The following NGLY1 variants were observed in gnomAD, a reference collection of about 807,000 sequenced individuals.
NGLY1 encodes peptide-N(4)-(N-acetyl-beta-glucosaminyl)asparagine amidase.
Under a neutral mutation model 84.6 loss-of-function variants are expected in NGLY1, and 68 were observed. That is an observed-to-expected ratio of 0.80 (90% confidence interval 0.66 to 0.98). NGLY1 has a LOEUF of 0.98. Among genes scored for constraint, NGLY1 ranks in the 50% least tolerant of loss-of-function variants. The pLI, the probability that NGLY1 is intolerant of heterozygous loss-of-function variation, is 0.00. For missense variants in NGLY1, 779 were observed against 770.2 expected (o/e 1.01, Z -0.14); for synonymous variants, 280 against 275.2 (o/e 1.02, Z -0.17).
At chr3:25,752,858 T>C (rs915995557) in intron 3 of NGLY1, among the ~76,000 whole-genome samples, 3 of 151,578 alleles carry the variant, frequency 2.0e-5, no homozygotes, top group Admixed American at 6.6e-5. Context: ...GAAGAAAGCA[T>C]AGATGGTGTC....
At chr3:25,762,631 G>C (rs868782078) in intron 3 of NGLY1, among the ~76,000 whole-genome samples, 55 of 152,068 alleles carry the variant, frequency 3.6e-4, no homozygotes, top group African/African-American at 1.3e-3. Flanking sequence ...TAAAGACCTG[G>C]AACTATATCT....
chr3:25,732,398 G>A lies in NGLY1; in HGVS notation c.1346C>T (p.Thr449Ile). Residue 449 changes from threonine to isoleucine, a missense_variant, in exon 9 of 12, where the codon ACC becomes ATC. Physicochemically the swap from Thr to Ile is moderately conservative, Grantham distance 89. Coordinates refer to ENST00000280700, the MANE Select transcript of NGLY1 (RefSeq NM_018297.4). ...TCCCCCAAGTTCTCCAGGTTTAGGGGTTTTGGGAGATATAAATTCAACAAG... is the reference window on the plus strand; with the variant it reads ...TCCCCCAAGTTCTCCAGGTTTAGGGATTTTGGGAGATATAAATTCAACAAG... Reference protein sequence around the residue: ...VELVEFISPKTPKPGELGGRI... With the variant: ...VELVEFISPKIPKPGELGGRI... 1 of 1,613,792 alleles carries A rather than the reference G, an allele frequency of 6.2e-7. No individual in the cohort carries two copies. Among genetic ancestry groups the A allele is most frequent in the Non-Finnish European group, 8.5e-7 (1 of 1,179,762 alleles).
chr3:25,736,539 A>G (rs1379998410), intron 6 of NGLY1: 2 of 604,190 alleles, frequency 3.3e-6, no homozygotes, highest in East Asian at 2.9e-5. Flanking sequence ...GAAGTCTAAT[A>G]GAATCTCTGG....
chr3:25,776,872 A>C (rs1012196144), intron 2 of NGLY1, among the ~76,000 whole-genome samples: 2 of 152,222 alleles, frequency 1.3e-5, no homozygotes, highest in Non-Finnish European at 2.9e-5. Flanking sequence ...TGAGTACCTA[A>C]CATCTGTAAT....
chr3:25,782,763 A>C (rs926191375), intron 1 of NGLY1: 3 of 154,580 alleles, frequency 1.9e-5, no homozygotes, highest in African/African-American at 7.2e-5. Context: ...ATGCTTTAGT[A>C]CTCGGATAGT....
intron 1 of NGLY1, chr3:25,789,731 G>T: frequency 8.6e-7 from 1 of 1,167,010 alleles, no homozygotes; most frequent in Non-Finnish European, 1.2e-6. Flanking sequence ...CTTTGAAACT[G>T]CAGAGAATTT....
chr3:25,780,677 C>A (rs1345753060), intron 1 of NGLY1, among the ~76,000 whole-genome samples: 1 of 152,128 alleles, frequency 6.6e-6, no homozygotes, highest in Non-Finnish European at 1.5e-5. Context: ...GGCTAGAGTG[C>A]AATGACGCCA....
At chr3:25,789,353 G>A (rs966472855) in intron 1 of NGLY1, among the ~76,000 whole-genome samples, 3 of 151,898 alleles carry the variant, frequency 2.0e-5, no homozygotes, top group African/African-American at 7.3e-5. Context: ...CTACTCCATA[G>A]GCAGAACAGC....
At chr3:25,778,496 T>C in intron 2 of NGLY1, 78 bp downstream of exon 2, 2 of 729,912 alleles carry the variant, frequency 2.7e-6, no homozygotes, top group Non-Finnish European at 4.4e-6. Flanking sequence ...CATTATCTTA[T>C]TCAAACAATT....
chr3:25,787,260 C>T (rs1708625139), upstream of NGLY1, among the ~76,000 whole-genome samples: 1 of 152,042 alleles, frequency 6.6e-6, no homozygotes, highest in Non-Finnish European at 1.5e-5. Flanking sequence ...AGAGGACTTG[C>T]TACCTGTGAG....
intron 4 of NGLY1, among the ~76,000 whole-genome samples, chr3:25,746,759 T>C (rs1027382012): frequency 1.3e-5 from 2 of 152,244 alleles, no homozygotes; most frequent in East Asian, 3.8e-4. Context: ...GGAAATATGA[T>C]GGACACAAAC....
At chr3:25,778,388 T>C in intron 2 of NGLY1, 186 bp downstream of exon 2, 1 of 430,690 alleles carries the variant, frequency 2.3e-6, no homozygotes, top group Non-Finnish European at 4.3e-6. Context: ...TTGTTACATT[T>C]TACTGAAATT....
At chr3:25,778,772 T>C in intron 1 of NGLY1, 84 bp from the exon 2 acceptor site, 1 of 704,340 alleles carries the variant, frequency 1.4e-6, no homozygotes, top group Non-Finnish European at 2.4e-6. Flanking sequence ...AAACATGACC[T>C]AGGTATACCT....
chr3:25,778,453 T>G, intron 2 of NGLY1, 121 bp downstream of exon 2: 1 of 515,778 alleles, frequency 1.9e-6, no homozygotes, highest in African/African-American at 2.0e-5. Flanking sequence ...AAATAACTAC[T>G]TCTACTGATT....
chr3:25,735,979 A>C (rs1705795623), intron 7 of NGLY1, 25 bp downstream of exon 7: 2 of 1,561,468 alleles, frequency 1.3e-6, no homozygotes, highest in Admixed American at 2.1e-5. Flanking sequence ...CTTTTGGAAA[A>C]AAGTTTTTTT....
chr3:25,785,521 C>A (rs1708583943), upstream of NGLY1, among the ~76,000 whole-genome samples: 1 of 140,784 alleles, frequency 7.1e-6, no homozygotes, highest in Admixed American at 7.2e-5. Context: ...TGCAACAGAA[C>A]TTTTTTTTTT....
chr3:25,765,628 G>A (rs1005849137), intron 2 of NGLY1, among the ~76,000 whole-genome samples: 3 of 152,110 alleles, frequency 2.0e-5, no homozygotes, highest in Non-Finnish European at 1.5e-5. Flanking sequence ...AATTCCATCT[G>A]AATCCTTTTT....
intron 2 of NGLY1, among the ~76,000 whole-genome samples, chr3:25,777,395 C>A (rs1432304372): frequency 7.9e-4 from 69 of 87,372 alleles, no homozygotes; most frequent in African/African-American, 1.7e-3. Context: ...AACTCCATCT[C>A]AAAAAAAAAA....
chr3:25,755,308 G>A, intron 3 of NGLY1: 1 of 1,365,994 alleles, frequency 7.3e-7, no homozygotes, highest in Non-Finnish European at 1.0e-6. Flanking sequence ...ACTATAGGCT[G>A]AAGTCCTTAA....
Sources: gnomAD v4.1 joint callset for allele counts (sites outside exome capture counted in the v4.1 genomes callset) on GRCh38, gnomAD v4.1.1 for gene constraint, MANE v1.5 for transcripts, NCBI Gene and HGNC (gene_info 2026-07-23, HGNC 2026-07-21) for gene names.